TRAPPC9: variants seen among roughly 807,000 people sequenced by gnomAD.
TRAPPC9 encodes the protein IKK2 binding protein.
In TRAPPC9, 83 loss-of-function variants were observed where a neutral mutation model predicts 124.0. The observed-to-expected ratio is 0.67, with a 90% CI of 0.56 to 0.80. The LOEUF (loss-of-function observed/expected upper bound fraction) is 0.80, where lower values mean the gene tolerates loss of function less well. Among genes scored for constraint, TRAPPC9 ranks in the 30% least tolerant of loss-of-function variants. The probability of loss-of-function intolerance (pLI) is 0.00; values close to 1 mark genes in which losing one functional copy is unlikely to be tolerated. For synonymous variants in TRAPPC9, 638 were observed against 617.5 expected (o/e 1.03, Z -0.49); for missense variants, 1,302 against 1,508.3 (o/e 0.86, Z 2.27).
chr8:140,153,496 C>T (rs1162403108), intron 17 of TRAPPC9, among the ~76,000 whole-genome samples: 2 of 152,134 alleles, frequency 1.3e-5, no homozygotes, highest in Non-Finnish European at 2.9e-5. Context: ...TGTATCATTA[C>T]AATTACCATA....
At chr8:140,091,529 C>A (rs892363318) in intron 17 of TRAPPC9, among the ~76,000 whole-genome samples, 4 of 152,154 alleles carry the variant, frequency 2.6e-5, no homozygotes, top group Non-Finnish European at 4.4e-5. Flanking sequence ...TTCCTAGGCA[C>A]CGCAATGTTA....
intron 15 of TRAPPC9, among the ~76,000 whole-genome samples, chr8:140,261,347 C>T (rs78994584): frequency 0.027 from 4,179 of 152,274 alleles, 177 homozygotes; most frequent in African/African-American, 0.095. Context: ...AGCCCCTGCC[C>T]TCTGGGGAGG....
intron 21 of TRAPPC9, among the ~76,000 whole-genome samples, chr8:139,879,385 G>A (rs1829541469): frequency 6.6e-6 from 1 of 152,216 alleles, no homozygotes; most frequent in Non-Finnish European, 1.5e-5. Flanking sequence ...CTGAAGGCAG[G>A]TGCAGGACGT....
chr8:140,232,216 G>A lies in TRAPPC9; in HGVS notation c.2432-10633C>T, dbSNP rs1399941639. Among the ~76,000 whole-genome samples, 27 of 152,078 alleles carry A rather than the reference G, an allele frequency of 1.8e-4. 1 individual carries two copies. The highest frequency in any genetic ancestry group is 1.8e-3 in the Admixed American group (27 of 15,268). ...GCCTCCCAAAGTGCTGGGATTACTG[G>A]TGTGAGCCACTGCGCCTGACCATAA... is the stretch of plus-strand genomic sequence containing the variant. On this transcript the variant is annotated intron_variant, in intron 16 of 22. Coordinates refer to ENST00000438773, the MANE Select transcript of TRAPPC9 (RefSeq NM_001160372.4).
chr8:140,103,771 T>C (rs1156572513), intron 17 of TRAPPC9, among the ~76,000 whole-genome samples: 1 of 152,202 alleles, frequency 6.6e-6, no homozygotes, highest in Non-Finnish European at 1.5e-5. Flanking sequence ...ACGACTATTC[T>C]TTTTACAGAT....
At chr8:139,976,620 G>C (rs1836491293) in intron 19 of TRAPPC9, among the ~76,000 whole-genome samples, 1 of 152,234 alleles carries the variant, frequency 6.6e-6, no homozygotes, top group Non-Finnish European at 1.5e-5. Flanking sequence ...CTCACCACAA[G>C]GGATCTGCGC....
intron 21 of TRAPPC9, among the ~76,000 whole-genome samples, chr8:139,760,676 C>A (rs1479827144): frequency 2.6e-5 from 4 of 152,240 alleles, no homozygotes; most frequent in Non-Finnish European, 5.9e-5. Flanking sequence ...CATCTGATCA[C>A]CCCAGCCTGT....
chr8:139,810,657 G>C (rs1203550096), intron 21 of TRAPPC9, among the ~76,000 whole-genome samples: 2 of 152,202 alleles, frequency 1.3e-5, no homozygotes, highest in East Asian at 3.9e-4. Context: ...ACTTGGGCCA[G>C]GAAGCCTCTG....
intron 21 of TRAPPC9, among the ~76,000 whole-genome samples, chr8:139,844,107 G>C (rs566242522): frequency 6.6e-6 from 1 of 152,188 alleles, no homozygotes; most frequent in South Asian, 2.1e-4. Context: ...AGGCGAGCAG[G>C]TGACTATGCT....
intron 7 of TRAPPC9, among the ~76,000 whole-genome samples, chr8:140,378,575 T>C (rs1262862497): frequency 6.6e-6 from 1 of 152,194 alleles, no homozygotes; most frequent in Non-Finnish European, 1.5e-5. Flanking sequence ...AACTCCCCTT[T>C]ATATATGTAT....
At chr8:140,454,447 T>C (rs1158650308) in intron 1 of TRAPPC9, among the ~76,000 whole-genome samples, 1 of 151,920 alleles carries the variant, frequency 6.6e-6, no homozygotes, top group Non-Finnish European at 1.5e-5. Flanking sequence ...GAGACCAGCC[T>C]GACCAACATG....
chr8:139,798,910 C>T (rs903826256), intron 21 of TRAPPC9, among the ~76,000 whole-genome samples: 1 of 152,148 alleles, frequency 6.6e-6, no homozygotes. Context: ...CTTTTTCTGG[C>T]GGAGATTCTG....
chr8:139,897,167 T>C (rs183647331), intron 20 of TRAPPC9, among the ~76,000 whole-genome samples: 1 of 152,338 alleles, frequency 6.6e-6, no homozygotes, highest in Admixed American at 6.5e-5. Context: ...CAAATTCCTC[T>C]CACAGCGTCC....
intron 9 of TRAPPC9, among the ~76,000 whole-genome samples, chr8:140,357,367 G>C (rs1222367957): frequency 6.6e-6 from 1 of 152,144 alleles, no homozygotes; most frequent in Non-Finnish European, 1.5e-5. Flanking sequence ...CTCAGGCGAA[G>C]GGCTCAGGGC....
At chr8:140,006,268 A>G (rs577474646) in intron 18 of TRAPPC9, among the ~76,000 whole-genome samples, 2 of 152,340 alleles carry the variant, frequency 1.3e-5, no homozygotes, top group South Asian at 2.1e-4. Context: ...TTTTTTAATT[A>G]ATAAACTTTA....
intron 9 of TRAPPC9, among the ~76,000 whole-genome samples, chr8:140,331,637 T>C (rs2132004287): frequency 6.6e-6 from 1 of 151,782 alleles, no homozygotes; most frequent in African/African-American, 2.4e-5. Context: ...ATCATCATCA[T>C]CATCACCACC....
intron 17 of TRAPPC9, among the ~76,000 whole-genome samples, chr8:140,164,129 C>T (rs567183447): frequency 1.8e-4 from 28 of 152,158 alleles, no homozygotes; most frequent in Non-Finnish European, 3.1e-4. Context: ...CAAGCCAGGG[C>T]GGCTCCAGGC....
intron 9 of TRAPPC9, among the ~76,000 whole-genome samples, chr8:140,344,055 C>T (rs1008273915): frequency 1.3e-5 from 2 of 152,156 alleles, no homozygotes; most frequent in African/African-American, 2.4e-5. Context: ...TATACCCTAA[C>T]TCCCAAGGTG....
At chr8:139,925,195 C>T (rs770020342) in intron 19 of TRAPPC9, among the ~76,000 whole-genome samples, 1 of 152,220 alleles carries the variant, frequency 6.6e-6, no homozygotes, top group Non-Finnish European at 1.5e-5. Flanking sequence ...ACTTTTCCCT[C>T]GACCTTTCCT....
Sources: gnomAD v4.1 joint callset for allele counts (sites outside exome capture counted in the v4.1 genomes callset) on GRCh38, gnomAD v4.1.1 for gene constraint, MANE v1.5 for transcripts, NCBI Gene and HGNC (gene_info 2026-07-23, HGNC 2026-07-21) for gene names.